The following MCOLN3 variants were observed in gnomAD, a reference collection of about 807,000 sequenced individuals.
MCOLN3 encodes mucolipin TRP cation channel 3, also known as mucolipin-3.
Under a neutral mutation model 69.4 loss-of-function variants are expected in MCOLN3, and 62 were observed. The observed-to-expected ratio is 0.89, with a 90% CI of 0.73 to 1.10. The LOEUF (loss-of-function observed/expected upper bound fraction) is 1.10, where lower values mean the gene tolerates loss of function less well. Among genes scored for constraint, MCOLN3 ranks in the 50% least tolerant of loss-of-function variants. The pLI is 0.00. For synonymous variants in MCOLN3, 183 were observed against 217.0 expected (o/e 0.84, Z 1.38); for missense variants, 564 against 656.4 (o/e 0.86, Z 1.54).
At position 85,041,021 on chromosome 1, in the gene MCOLN3, C is replaced by G. The variant is rs142799067; in HGVS notation, c.385G>C (p.Ala129Pro). 1 of 1,612,916 alleles carries G rather than the reference C, an allele frequency of 6.2e-7. No homozygotes were observed. Residue 129 changes from alanine (A) to proline (P), a missense_variant, in exon 3 of 13, where the codon GCA becomes CCA. Physicochemically the swap from Ala to Pro is conservative, Grantham distance 27. Transcript: ENST00000370589. ...QSDVYDQLIF[A>P]VNQYLQLYNV... ...CACACTTGATTTACCTGGTTTACTG[C>G]GAAGATTAACTGATCATACACGTCA...
In MCOLN3 at chr1:85,045,366, G is replaced by A; in HGVS notation, c.-2-4C>T. 2 of 1,600,772 alleles carry A rather than the reference G, an allele frequency of 1.2e-6. No homozygotes were observed. The highest frequency in any genetic ancestry group is 1.7e-6 in the Non-Finnish European group (2 of 1,174,050). On this transcript the variant is annotated splice_polypyrimidine_tract_variant and splice_region_variant and intron_variant, in intron 1 of 12. Coordinates refer to ENST00000370589, the MANE Select transcript of MCOLN3 (RefSeq NM_018298.11). ...ACTACCTCAGGATCTGCCATCTCTA[G>A]AGGAAAAAAACAACAACAACAACAA...
Position 85,025,955 on chromosome 1 carries a change from A to G in MCOLN3, c.1079T>C (p.Met360Thr), listed in dbSNP as rs945996922. 3 of 1,597,796 alleles carry G rather than the reference A, an allele frequency of 1.9e-6. No homozygotes were observed. The African/African-American group carries it at 4.0e-5, about 21-fold the overall frequency. Reference protein sequence around the residue: ...ILTIIGSILKMEIQAKSLTSY... With the variant: ...ILTIIGSILKTEIQAKSLTSY... ...AAAAATTACCTTAGCTTGGATTTCC[A>G]TTTTTAGAATTGATCCAATGATTGT... Residue 360 changes from methionine to threonine, a missense_variant, in exon 9 of 13, where the codon ATG (methionine) becomes ACG (threonine). Transcript: ENST00000370589.
rs1197023188 is a variant in MCOLN3 at position 85,034,210 on chromosome 1, A to G, written c.438T>C (p.Tyr146=). 2 of 1,614,180 alleles carry G rather than the reference A, an allele frequency of 1.2e-6. No homozygotes were observed. The highest frequency in any genetic ancestry group is 1.7e-6 in the Non-Finnish European group (2 of 1,180,026). The change falls in exon 4 of 13, where the codon TAT becomes TAC. Residue 146 remains tyrosine (Y), a synonymous_variant. Transcript: ENST00000370589. ...CAGATTGCTTGGTACCTTTGTTCTC[A>G]TAAGCATGATTCCCAACGGAGACAT... ...LYNVSVGNHA[Y]ENKGTKQSAM...
chr1:85,018,762 C>A lies in MCOLN3; in HGVS notation c.*361G>T. Reference sequence around the variant, plus strand: ...TTACTGAGTTGTCCAAAGTCACAGTCAGACCAAGGATTGTTTTCCACTAAT... The same window carrying A: ...TTACTGAGTTGTCCAAAGTCACAGTAAGACCAAGGATTGTTTTCCACTAAT... On this transcript the variant is annotated 3_prime_UTR_variant, in exon 13 of 13. Transcript: ENST00000370589. The A allele has an allele frequency of 5.6e-6, 1 of 178,596 alleles. No individual in the cohort carries two copies. The highest frequency in any genetic ancestry group is 1.2e-5 in the Non-Finnish European group (1 of 85,646). 11.1% of individuals were successfully genotyped at this position (178,596 alleles called of 1,614,324 possible).
At chr1:85,029,981 C>T (rs1246499053) in intron 6 of MCOLN3, 1 of 152,196 alleles carries the variant, frequency 6.6e-6, no homozygotes, top group East Asian at 1.9e-4. Flanking sequence ...GAAGCTTCTC[C>T]ATATGGGGTA....
chr1:85,042,985 C>T (rs1653142377), intron 2 of MCOLN3, among the ~76,000 whole-genome samples: 1 of 152,220 alleles, frequency 6.6e-6, no homozygotes, highest in East Asian at 1.9e-4. Flanking sequence ...TTATTACTAG[C>T]AGCCTTAATA....
In MCOLN3 at chr1:85,046,952, T is replaced by C. The variant is rs548982017; in HGVS notation, c.-3+1444A>G. ...CATAAAGGAAAGAAAAAGTTATTAA[T>C]AAATTAGGATTTTCACTTAACAGTT... is the stretch of plus-strand genomic sequence containing the variant. On this transcript the variant is annotated intron_variant, in intron 1 of 12. Transcript: ENST00000370589. Among the ~76,000 whole-genome samples, 6 of 152,340 alleles carry C rather than the reference T, an allele frequency of 3.9e-5. 1 individual carries two copies. In the South Asian group the frequency reaches 8.3e-4, roughly 21 times the overall value.
intron 6 of MCOLN3, among the ~76,000 whole-genome samples, chr1:85,030,802 G>A (rs1281766799): frequency 2.0e-5 from 3 of 152,222 alleles, no homozygotes; most frequent in East Asian, 3.9e-4. Context: ...TAGAAATAAT[G>A]CAAGCTAGAA....
At chr1:85,048,264 G>C (rs997308753) in intron 1 of MCOLN3, 132 bp downstream of exon 1, 1 of 152,198 alleles carries the variant, frequency 6.6e-6, no homozygotes, top group Admixed American at 6.6e-5. Flanking sequence ...CCATGGCGCC[G>C]ACTGCCCGGC....
At chr1:85,020,376 TC>T (rs765521279) in intron 12 of MCOLN3, among the ~76,000 whole-genome samples, 3 of 152,204 alleles carry the variant, frequency 2.0e-5, no homozygotes, top group Non-Finnish European at 4.4e-5. Flanking sequence ...GAAAGAAAAG[TC>T]CCCAAGTGGA....
intron 6 of MCOLN3, 98 bp from the exon 7 acceptor site, chr1:85,029,303 A>G: frequency 1.4e-6 from 1 of 701,224 alleles, no homozygotes; most frequent in Admixed American, 2.4e-5. Flanking sequence ...AGGGGACAGG[A>G]GACCCAGATT....
intron 9 of MCOLN3, 109 bp from the exon 10 acceptor site, chr1:85,022,509 C>T: frequency 1.5e-6 from 1 of 688,066 alleles, no homozygotes; most frequent in Non-Finnish European, 2.5e-6. Context: ...AAGGATAAAG[C>T]AGTGAACAAA....
intron 1 of MCOLN3, among the ~76,000 whole-genome samples, chr1:85,048,115 G>C (rs974698265): frequency 1.7e-4 from 26 of 152,228 alleles, no homozygotes; most frequent in African/African-American, 2.7e-4. Flanking sequence ...GCGGCCTGGA[G>C]GGGGACCGAG....
chr1:85,046,741 A>G (rs1653372063), intron 1 of MCOLN3, among the ~76,000 whole-genome samples: 1 of 152,218 alleles, frequency 6.6e-6, no homozygotes, highest in Non-Finnish European at 1.5e-5. Flanking sequence ...AAGGTTCTTA[A>G]ACTCTTGTTA....
rs770947528 is a variant in MCOLN3 at position 85,045,223 on chromosome 1, G to A, written c.138C>T (p.Phe46=). The A allele has an allele frequency of 3.1e-6, 5 of 1,613,750 alleles. No individual in the cohort carries two copies. In the African/African-American group the frequency reaches 6.7e-5, roughly 22 times the overall value. The change falls in exon 2 of 13, where the codon TTC becomes TTT. Residue 46 remains phenylalanine (F), a synonymous_variant. Coordinates refer to ENST00000370589, the MANE Select transcript of MCOLN3 (RefSeq NM_018298.11). ...CCCAGAACTTCTCACAGGGATTCAT[G>A]AAAAAAAATTTGAGTTTTCGCCTCA... ...DQMRRKLKFF[F]MNPCEKFWAR...
chr1:85,041,151 C>T lies in MCOLN3; in HGVS notation c.255G>A (p.Gln85=), dbSNP rs374738596. 10 of 1,613,610 alleles carry T rather than the reference C, an allele frequency of 6.2e-6. No individual in the cohort carries two copies. The African/African-American group carries it at 9.3e-5, about 15-fold the overall frequency. The stretch of plus-strand genomic sequence containing the variant: ...TCTCTTCCTTGAAAGCTACCACCAT[C>T]TGGTTACTTAGCCCAAATAAGACCA... ...IQLVLFGLSN[Q]MVVAFKEENT... The change falls in exon 3 of 13, where the codon CAG becomes CAA. Residue 85 remains glutamine (Q), a synonymous_variant. Coordinates refer to ENST00000370589, the MANE Select transcript of MCOLN3 (RefSeq NM_018298.11).
chr1:85,044,837 C>A (rs1199401503), intron 2 of MCOLN3, among the ~76,000 whole-genome samples: 1 of 152,172 alleles, frequency 6.6e-6, no homozygotes, highest in East Asian at 1.9e-4. Flanking sequence ...TATTTAGAAA[C>A]CAGCTGAACC....
At chr1:85,044,424 A>G (rs1350823001) in intron 2 of MCOLN3, among the ~76,000 whole-genome samples, 1 of 152,220 alleles carries the variant, frequency 6.6e-6, no homozygotes, top group Admixed American at 6.5e-5. Flanking sequence ...TTTTCTCACT[A>G]AAATCTGCTT....
intron 6 of MCOLN3, among the ~76,000 whole-genome samples, chr1:85,030,993 C>A (rs980771894): frequency 4.6e-5 from 7 of 152,062 alleles, no homozygotes; most frequent in African/African-American, 1.7e-4. Flanking sequence ...ACAGTGAGGG[C>A]CGGGCACGGT....
Sources: gnomAD v4.1 joint callset for allele counts (sites outside exome capture counted in the v4.1 genomes callset) on GRCh38, gnomAD v4.1.1 for gene constraint, MANE v1.5 for transcripts, NCBI Gene and HGNC (gene_info 2026-07-23, HGNC 2026-07-21) for gene names.